Variants in KCTD8 observed in about 807,000 individuals in gnomAD.
The protein encoded by KCTD8 is potassium channel tetramerization domain containing 8.
A neutral mutation model predicts 31.5 loss-of-function variants in KCTD8; 27 were observed. That is an observed-to-expected ratio of 0.86 (90% CI 0.63 to 1.18). KCTD8 has a LOEUF of 1.18. KCTD8 is among the 50% of genes most tolerant of loss of function. The probability of loss-of-function intolerance (pLI) is 0.00; values close to 1 mark genes in which losing one functional copy is unlikely to be tolerated. For synonymous variants in KCTD8, 290 were observed against 280.0 expected (o/e 1.04, Z -0.36); for missense variants, 658 against 647.7 (o/e 1.02, Z -0.17).
chr4:44,402,377 A>T (rs1720687195), intron 1 of KCTD8, among the ~76,000 whole-genome samples: 1 of 152,210 alleles, frequency 6.6e-6, no homozygotes, highest in Non-Finnish European at 1.5e-5. Context: ...AGAGTTCTTA[A>T]TATAATATCA....
intron 1 of KCTD8, among the ~76,000 whole-genome samples, chr4:44,227,205 T>C (rs1249187735): frequency 1.3e-5 from 2 of 152,160 alleles, no homozygotes; most frequent in East Asian, 3.9e-4. Flanking sequence ...CCATCTTGAG[T>C]TAATTTTTGT....
intron 1 of KCTD8, among the ~76,000 whole-genome samples, chr4:44,196,281 A>C (rs1409242672): frequency 2.6e-5 from 4 of 152,228 alleles, no homozygotes; most frequent in Non-Finnish European, 5.9e-5. Flanking sequence ...CAGTAAGCCA[A>C]ATGTAAAGAG....
intron 1 of KCTD8, among the ~76,000 whole-genome samples, chr4:44,183,660 G>A (rs1306173844): frequency 1.3e-5 from 2 of 152,116 alleles, no homozygotes; most frequent in Non-Finnish European, 2.9e-5. Flanking sequence ...GGTAGTTCTA[G>A]GTGTGGGGAT....
chr4:44,241,936 T>TG (rs1715467844), intron 1 of KCTD8, among the ~76,000 whole-genome samples: 1 of 152,078 alleles, frequency 6.6e-6, no homozygotes, highest in Non-Finnish European at 1.5e-5. Flanking sequence ...AATAAAAAAG[T>TG]GTTTTTTTTC....
Position 44,262,830 on chromosome 4 carries a change from G to T in KCTD8, c.962-87580C>A, listed in dbSNP as rs144301216. Among the ~76,000 whole-genome samples the T allele has an allele frequency of 3.9e-5, 6 of 152,176 alleles. No homozygotes were observed. The East Asian group carries it at 1.2e-3, about 29-fold the overall frequency. ...ATGGCCCAGAAATTTACTCCCCATT[G>T]AATAATGTAACAGCATATTCAAAAA... On this transcript the variant is annotated intron_variant, in intron 1 of 1. Transcript: ENST00000360029.
intron 1 of KCTD8, among the ~76,000 whole-genome samples, chr4:44,236,549 TA>T (rs1244491697): frequency 1.3e-5 from 2 of 152,086 alleles, no homozygotes; most frequent in Non-Finnish European, 2.9e-5. Context: ...ATTGCCTATA[TA>T]AACATGTAAT....
chr4:44,380,228 C>T (rs958582179), intron 1 of KCTD8, among the ~76,000 whole-genome samples: 2 of 151,790 alleles, frequency 1.3e-5, no homozygotes, highest in African/African-American at 4.8e-5. Context: ...CCTTATAAGA[C>T]CCTCATTTTT....
At chr4:44,339,404 T>G (rs898024111) in intron 1 of KCTD8, among the ~76,000 whole-genome samples, 18 of 151,884 alleles carry the variant, frequency 1.2e-4, no homozygotes, top group African/African-American at 4.4e-4. Context: ...CTCAGAAAAT[T>G]TAGGGTTAAT....
At chr4:44,321,344 A>G (rs2109406299) in intron 1 of KCTD8, among the ~76,000 whole-genome samples, 1 of 152,304 alleles carries the variant, frequency 6.6e-6, no homozygotes, top group African/African-American at 2.4e-5. Context: ...CCTCAACTTG[A>G]TGGCAACAAT....
chr4:44,265,371 T>A (rs935571739), intron 1 of KCTD8, among the ~76,000 whole-genome samples: 2 of 151,892 alleles, frequency 1.3e-5, no homozygotes, highest in Admixed American at 1.3e-4. Flanking sequence ...AGAAAGGACA[T>A]CCACACCAAA....
intron 1 of KCTD8, among the ~76,000 whole-genome samples, chr4:44,398,134 A>G (rs1720556297): frequency 6.6e-6 from 1 of 152,174 alleles, no homozygotes; most frequent in Admixed American, 6.5e-5. Context: ...AAAAAGTTGT[A>G]TGTCAAGTAA....
At chr4:44,267,871 T>C (rs1212390058) in intron 1 of KCTD8, among the ~76,000 whole-genome samples, 1 of 152,116 alleles carries the variant, frequency 6.6e-6, no homozygotes, top group Non-Finnish European at 1.5e-5. Context: ...AATAGACCAA[T>C]AACAGGCTCT....
intron 1 of KCTD8, among the ~76,000 whole-genome samples, chr4:44,207,598 C>T (rs1560394909): frequency 6.6e-6 from 1 of 152,174 alleles, no homozygotes; most frequent in African/African-American, 2.4e-5. Context: ...CTCTCTCTTA[C>T]GTCTTTGGAG....
chr4:44,243,528 A>G (rs1319230081), intron 1 of KCTD8, among the ~76,000 whole-genome samples: 5 of 152,196 alleles, frequency 3.3e-5, no homozygotes, highest in African/African-American at 1.2e-4. Context: ...AAATAAAGGC[A>G]AGGCCTGGAA....
At position 44,290,624 on chromosome 4, in the gene KCTD8, G is replaced by A. The variant is rs555577911; in HGVS notation, c.962-115374C>T. Among the ~76,000 whole-genome samples, 4 of 152,192 alleles carry A rather than the reference G, an allele frequency of 2.6e-5. No individual in the cohort carries two copies. The South Asian group carries it at 8.3e-4, about 32-fold the overall frequency. The stretch of plus-strand genomic sequence containing the variant: ...ATATCAAGCACTCTCTTGGACCACA[G>A]TGCAATAAAAATAGAAATCTATACC... On this transcript the variant is annotated intron_variant, in intron 1 of 1. Transcript: ENST00000360029.
intron 1 of KCTD8, among the ~76,000 whole-genome samples, chr4:44,234,200 A>G (rs577193677): frequency 6.0e-4 from 92 of 152,300 alleles, no homozygotes; most frequent in African/African-American, 2.0e-3. Flanking sequence ...ATACAATGGA[A>G]TCTATGACAG....
chr4:44,445,898 T>G (rs1342158796), intron 1 of KCTD8, among the ~76,000 whole-genome samples: 1 of 152,210 alleles, frequency 6.6e-6, no homozygotes, highest in African/African-American at 2.4e-5. Context: ...AATACTTAAT[T>G]ACTCAATATA....
At chr4:44,245,114 A>G (rs1170637213) in intron 1 of KCTD8, among the ~76,000 whole-genome samples, 4 of 152,182 alleles carry the variant, frequency 2.6e-5, no homozygotes, top group Non-Finnish European at 4.4e-5. Flanking sequence ...AAAAACAAGT[A>G]CAAACTTTTG....
chr4:44,366,806 G>C (rs1719651478), intron 1 of KCTD8, among the ~76,000 whole-genome samples: 1 of 152,064 alleles, frequency 6.6e-6, no homozygotes, highest in African/African-American at 2.4e-5. Context: ...CATTTGTATA[G>C]TCCTAGAAAT....
Sources: gnomAD v4.1 joint callset for allele counts (sites outside exome capture counted in the v4.1 genomes callset) on GRCh38, gnomAD v4.1.1 for gene constraint, MANE v1.5 for transcripts, NCBI Gene and HGNC (gene_info 2026-07-23, HGNC 2026-07-21) for gene names.